Variants in PKP4 observed in about 807,000 individuals in gnomAD.
PKP4 encodes plakophilin-4.
In PKP4, 90 loss-of-function variants were observed where a neutral mutation model predicts 145.1. The ratio of observed to expected loss-of-function variants is 0.62; its 90% CI spans 0.52 to 0.74. PKP4 has a LOEUF of 0.74. Among genes scored for constraint, PKP4 ranks in the 30% least tolerant of loss-of-function variants. The probability of loss-of-function intolerance (pLI) is 0.00; values close to 1 mark genes in which losing one functional copy is unlikely to be tolerated. For missense variants in PKP4, 1,340 were observed against 1,482.7 expected (o/e 0.90, Z 1.58); for synonymous variants, 563 against 577.2 (o/e 0.98, Z 0.35).
chr2:158,499,152 A>G (rs912975905), intron 1 of PKP4, among the ~76,000 whole-genome samples: 3 of 152,188 alleles, frequency 2.0e-5, no homozygotes, highest in African/African-American at 4.8e-5. Flanking sequence ...TTATTATACT[A>G]TGGTGGTAAG....
chr2:158,480,165 TC>T (rs1693124548), intron 1 of PKP4, among the ~76,000 whole-genome samples: 1 of 152,210 alleles, frequency 6.6e-6, no homozygotes, highest in African/African-American at 2.4e-5. Context: ...GTTAAATAGT[TC>T]CTTTTGTCTT....
At chr2:158,488,716 A>G (rs916489405) in intron 1 of PKP4, among the ~76,000 whole-genome samples, 10 of 152,176 alleles carry the variant, frequency 6.6e-5, no homozygotes, top group African/African-American at 2.2e-4. Context: ...TGAATAGACT[A>G]TTTATTTGGG....
At chr2:158,672,686 A>G (rs1392206685) in intron 17 of PKP4, among the ~76,000 whole-genome samples, 1 of 152,158 alleles carries the variant, frequency 6.6e-6, no homozygotes, top group Non-Finnish European at 1.5e-5. Context: ...TTGGAAATAA[A>G]AAGGTTAGAA....
At chr2:158,631,379 G>GTA (rs1415633776) in intron 7 of PKP4, among the ~76,000 whole-genome samples, 1 of 151,846 alleles carries the variant, frequency 6.6e-6, no homozygotes, top group African/African-American at 2.4e-5. Flanking sequence ...ATCTATGTAT[G>GTA]TATATATGTA....
intron 1 of PKP4, among the ~76,000 whole-genome samples, chr2:158,521,855 T>C (rs1010424831): frequency 3.3e-5 from 5 of 152,236 alleles, no homozygotes; most frequent in Non-Finnish European, 7.3e-5. Flanking sequence ...TACTTATTAT[T>C]GTTAAAATAT....
At chr2:158,569,254 G>A (rs1415217248) in intron 2 of PKP4, among the ~76,000 whole-genome samples, 1 of 152,036 alleles carries the variant, frequency 6.6e-6, no homozygotes, top group Non-Finnish European at 1.5e-5. Context: ...ACTAGAACTT[G>A]GTTTATTCCT....
chr2:158,499,701 A>G (rs1696270589), intron 1 of PKP4, among the ~76,000 whole-genome samples: 1 of 152,148 alleles, frequency 6.6e-6, no homozygotes, highest in African/African-American at 2.4e-5. Context: ...AAGTCATGCC[A>G]TTTTACTTAG....
At chr2:158,556,941 C>T (rs1476994074) in intron 2 of PKP4, among the ~76,000 whole-genome samples, 1 of 152,132 alleles carries the variant, frequency 6.6e-6, no homozygotes, top group Non-Finnish European at 1.5e-5. Flanking sequence ...AAATCAATTT[C>T]ATTTCCACAC....
chr2:158,523,808 C>T (rs1043900585), intron 1 of PKP4, among the ~76,000 whole-genome samples: 1,883 of 129,030 alleles, frequency 0.015, 54 homozygotes, highest in African/African-American at 0.056. Flanking sequence ...GAGCTGAAAA[C>T]CAAGGCTCGA....
At chr2:158,633,248 T>G (rs532700895) in intron 8 of PKP4, among the ~76,000 whole-genome samples, 9 of 152,378 alleles carry the variant, frequency 5.9e-5, no homozygotes, top group African/African-American at 2.2e-4. Context: ...TATACATTCA[T>G]TCATGTGATA....
intron 6 of PKP4, among the ~76,000 whole-genome samples, chr2:158,623,908 C>G (rs1248242189): frequency 6.6e-6 from 1 of 152,202 alleles, no homozygotes; most frequent in Non-Finnish European, 1.5e-5. Flanking sequence ...CCTTGGGCCC[C>G]TTCTCCAGCC....
chr2:158,634,041 T>C lies in PKP4; in HGVS notation c.1343-29T>C, dbSNP rs756189056. ...AAGTGTGATCTCATGGAGAACATAC[T>C]AATCTTTTTCAAAATGTTGACTTTC... On this transcript the variant is annotated intron_variant, in intron 8 of 21. Transcript: ENST00000389759. 10 of 1,255,444 alleles carry C rather than the reference T, an allele frequency of 8.0e-6. No homozygotes were observed. In the South Asian group the frequency reaches 1.1e-4, roughly 14 times the overall value. 77.8% of individuals were successfully genotyped at this position (1,255,444 alleles called of 1,614,324 possible).
chr2:158,652,371 G>A (rs181086953), intron 11 of PKP4, among the ~76,000 whole-genome samples: 19 of 152,228 alleles, frequency 1.2e-4, no homozygotes, highest in Admixed American at 3.3e-4. Context: ...TAAGGCTGGC[G>A]GGAGGCCATA....
At chr2:158,461,779 G>GTAC (rs140222519) in intron 1 of PKP4, among the ~76,000 whole-genome samples, 9,250 of 152,064 alleles carry the variant, frequency 0.061, 401 homozygotes, top group South Asian at 0.11. Flanking sequence ...AATGGTGTTA[G>GTAC]TACTGCTCTT....
rs966992996 is a variant in PKP4, at chr2:158,523,611, A to C, written c.-5-9569A>C. Among the ~76,000 whole-genome samples, 59 of 125,892 alleles carry C rather than the reference A, an allele frequency of 4.7e-4. 1 individual carries two copies. The highest frequency in any genetic ancestry group is 7.5e-4 in the Non-Finnish European group (46 of 61,344). The allele number at this position is 125,892 out of a possible 152,430, so 82.6% of individuals were successfully genotyped here. On this transcript the variant is annotated intron_variant, in intron 1 of 21. Transcript: ENST00000389759. The stretch of plus-strand genomic sequence containing the variant: ...CAAAGGAACGCAGTTCCTCACCAGC[A>C]ACAGAACAAAGCTGGATGGAGAATG...
At chr2:158,530,104 T>C (rs995815702) in intron 1 of PKP4, among the ~76,000 whole-genome samples, 1 of 152,206 alleles carries the variant, frequency 6.6e-6, no homozygotes, top group African/African-American at 2.4e-5. Context: ...CACGCCCCAC[T>C]AGAGTTTGGG....
chr2:158,485,922 T>C (rs1015208106), intron 1 of PKP4, among the ~76,000 whole-genome samples: 2 of 152,212 alleles, frequency 1.3e-5, no homozygotes, highest in Non-Finnish European at 2.9e-5. Flanking sequence ...CAGTAAATTG[T>C]TATTTTGTTG....
intron 2 of PKP4, among the ~76,000 whole-genome samples, chr2:158,537,416 T>G (rs369280259): frequency 1.1e-4 from 16 of 152,320 alleles, no homozygotes; most frequent in African/African-American, 3.6e-4. Context: ...ACCAGTGTTA[T>G]GTGTATCAGG....
intron 4 of PKP4, among the ~76,000 whole-genome samples, chr2:158,606,878 C>T (rs545577972): frequency 1.0e-3 from 158 of 152,264 alleles, no homozygotes; most frequent in South Asian, 2.1e-3. Flanking sequence ...AGATGTATAA[C>T]TATATTCAGT....
Sources: allele counts gnomAD v4.1 joint callset (sites outside exome capture counted in the v4.1 genomes callset), GRCh38; gene constraint gnomAD v4.1.1; transcripts MANE v1.5; gene names NCBI Gene and HGNC (gene_info 2026-07-23, HGNC 2026-07-21).